The following SAMTOR variants were observed in gnomAD, a reference collection of about 807,000 sequenced individuals.
SAMTOR encodes S-adenosylmethionine sensor upstream of mTORC1.
At chr7:112,844,294 GAAAT>G in the SAMTOR span, among the ~76,000 whole-genome samples, 1 of 152,020 alleles carries the variant, frequency 6.6e-6, no homozygotes, top group Non-Finnish European at 1.5e-5. Context: ...ATAAGAGAAA[GAAAT>G]AAAGGGCATC....
the SAMTOR span, among the ~76,000 whole-genome samples, chr7:112,904,459 T>TA: frequency 6.6e-6 from 1 of 152,058 alleles, no homozygotes; most frequent in Non-Finnish European, 1.5e-5. Flanking sequence ...CAAATACTAA[T>TA]AAAATCACAG....
At chr7:112,883,001 C>T in the SAMTOR span, among the ~76,000 whole-genome samples, 1 of 152,056 alleles carries the variant, frequency 6.6e-6, no homozygotes. Flanking sequence ...GCAAAAAAAG[C>T]ATTAATATCT....
the SAMTOR span, among the ~76,000 whole-genome samples, chr7:112,894,175 AGAGGGG>A: frequency 7.7e-6 from 1 of 130,078 alleles, no homozygotes; most frequent in Non-Finnish European, 1.6e-5. Context: ...GAGAGAGAGA[AGAGGGG>A]GAGGGGGAGA....
At chr7:112,877,753 C>A in the SAMTOR span, among the ~76,000 whole-genome samples, 2 of 152,250 alleles carry the variant, frequency 1.3e-5, no homozygotes, top group Admixed American at 1.3e-4. Context: ...TTAATGCTAT[C>A]ACTGCAACAG....
At chr7:112,874,493 A>G in the SAMTOR span, among the ~76,000 whole-genome samples, 1 of 152,124 alleles carries the variant, frequency 6.6e-6, no homozygotes. Context: ...CTCCAAACGT[A>G]GAGGAGGGAG....
chr7:112,838,132 C>G, the SAMTOR span, among the ~76,000 whole-genome samples: 2 of 151,942 alleles, frequency 1.3e-5, no homozygotes, highest in African/African-American at 4.8e-5. Context: ...CAAGGCATAG[C>G]TCACCTTGTT....
chr7:112,857,371 G>A, the SAMTOR span, among the ~76,000 whole-genome samples: 47 of 148,822 alleles, frequency 3.2e-4, 3 homozygotes, highest in East Asian at 7.0e-3. Flanking sequence ...GATTACAGGC[G>A]TGAGCCACCG....
At chr7:112,919,403 G>A in the SAMTOR span, among the ~76,000 whole-genome samples, 10 of 152,122 alleles carry the variant, frequency 6.6e-5, no homozygotes, top group East Asian at 5.8e-4. Context: ...AAACCAACGA[G>A]AACAAAGATA....
the SAMTOR span, among the ~76,000 whole-genome samples, chr7:112,922,664 G>GTACCC: frequency 6.6e-6 from 1 of 151,978 alleles, no homozygotes; most frequent in Non-Finnish European, 1.5e-5. Flanking sequence ...TCTGGGAGGT[G>GTACCC]AGGAGCGTCT....
At chr7:112,876,692 T>C in the SAMTOR span, among the ~76,000 whole-genome samples, 1 of 152,176 alleles carries the variant, frequency 6.6e-6, no homozygotes, top group Non-Finnish European at 1.5e-5. Context: ...CTCTTAAAAA[T>C]ATATTGTTTC....
At chr7:112,868,541 T>TGGGGAAAGGCTAAGAGATAGTG in the SAMTOR span, among the ~76,000 whole-genome samples, 1 of 152,028 alleles carries the variant, frequency 6.6e-6, no homozygotes, top group African/African-American at 2.4e-5. Flanking sequence ...GGAGGTAGTG[T>TGGGGAAAGGCTAAGAGATAGTG]GGGGAAAGGC....
At chr7:112,906,853 A>T in the SAMTOR span, among the ~76,000 whole-genome samples, 1 of 152,208 alleles carries the variant, frequency 6.6e-6, no homozygotes, top group East Asian at 1.9e-4. Flanking sequence ...TATAGGCATG[A>T]GCCACCATGC....
chr7:112,909,209 T>C, the SAMTOR span, among the ~76,000 whole-genome samples: 2 of 152,216 alleles, frequency 1.3e-5, no homozygotes, highest in Non-Finnish European at 2.9e-5. Context: ...GCCATGCTCC[T>C]GCTTCTCAAT....
the SAMTOR span, among the ~76,000 whole-genome samples, chr7:112,823,602 T>G: frequency 1.3e-5 from 2 of 152,226 alleles, no homozygotes; most frequent in Non-Finnish European, 2.9e-5. Context: ...TTTCTAGTTT[T>G]GGTTATTACA....
the SAMTOR span, among the ~76,000 whole-genome samples, chr7:112,926,120 C>A: frequency 6.6e-6 from 1 of 152,104 alleles, no homozygotes; most frequent in African/African-American, 2.4e-5. Context: ...TGGGCTCCAG[C>A]AGTGTGGGAG....
the SAMTOR span, among the ~76,000 whole-genome samples, chr7:112,896,444 T>C: frequency 4.6e-5 from 7 of 152,198 alleles, no homozygotes; most frequent in Admixed American, 1.3e-4. Flanking sequence ...AGTACAACTA[T>C]GGTCCAAGGG....
the SAMTOR span, among the ~76,000 whole-genome samples, chr7:112,903,027 G>A: frequency 1.2e-3 from 187 of 152,116 alleles, no homozygotes; most frequent in African/African-American, 4.5e-3. Flanking sequence ...AAAAATGGCC[G>A]CATAGGCCAG....
At chr7:112,901,043 C>T in the SAMTOR span, among the ~76,000 whole-genome samples, 4 of 152,124 alleles carry the variant, frequency 2.6e-5, no homozygotes, top group Non-Finnish European at 4.4e-5. Flanking sequence ...ATAAGCTGAA[C>T]GTCACTAAAT....
the SAMTOR span, among the ~76,000 whole-genome samples, chr7:112,846,146 T>C: frequency 3.0e-5 from 2 of 65,788 alleles, no homozygotes; most frequent in Non-Finnish European, 5.5e-5. Flanking sequence ...TCTGTACAAC[T>C]TTTTTTTTTT....
Sources: allele counts gnomAD v4.1 joint callset (sites outside exome capture counted in the v4.1 genomes callset), GRCh38; gene constraint gnomAD v4.1.1; transcripts MANE v1.5; gene names NCBI Gene and HGNC (gene_info 2026-07-23, HGNC 2026-07-21).